Variants in VWCE observed in about 807,000 individuals in gnomAD.
The protein encoded by VWCE is von Willebrand factor C and EGF domain-containing protein.
In VWCE, 68 loss-of-function variants were observed where a neutral mutation model predicts 102.9. That is an observed-to-expected ratio of 0.66 (90% CI 0.54 to 0.81). The LOEUF (loss-of-function observed/expected upper bound fraction) is 0.81. Among genes scored for constraint, VWCE ranks in the 30% least tolerant of loss-of-function variants. The probability of loss-of-function intolerance (pLI) is 0.00; values close to 1 mark genes in which losing one functional copy is unlikely to be tolerated. For missense variants in VWCE, 1,137 were observed against 1,263.6 expected, an observed-to-expected ratio of 0.90 and a Z score of 1.52; for synonymous variants, 497 against 515.4, an observed-to-expected ratio of 0.96 and a Z score of 0.48.
intron 9 of VWCE, among the ~76,000 whole-genome samples, chr11:61,278,714 T>C (rs1045207765): frequency 3.9e-5 from 6 of 152,030 alleles, no homozygotes; most frequent in African/African-American, 1.5e-4. Flanking sequence ...AGCACAACAT[T>C]TTCTTCCCAG....
intron 19 of VWCE, among the ~76,000 whole-genome samples, chr11:61,259,939 G>A (rs1044604931): frequency 2.6e-5 from 4 of 152,176 alleles, no homozygotes; most frequent in African/African-American, 9.7e-5. Context: ...ATGGGGTCAC[G>A]TCCCAATAAA....
chr11:61,262,926 A>C (rs1428411452), intron 19 of VWCE, among the ~76,000 whole-genome samples: 3 of 152,234 alleles, frequency 2.0e-5, no homozygotes, highest in Admixed American at 2.0e-4. Flanking sequence ...CACAATAGCC[A>C]AGCTATGGAA....
At chr11:61,293,263 AAAAATT>A (rs1855570314) in intron 1 of VWCE, among the ~76,000 whole-genome samples, 1 of 149,090 alleles carries the variant, frequency 6.7e-6, no homozygotes, top group Non-Finnish European at 1.5e-5. Flanking sequence ...AAAAAAAAAA[AAAAATT>A]AGCCAGGTGT....
chr11:61,294,905 G>A lies in VWCE; in HGVS notation c.110+23C>T. The A allele has an allele frequency of 2.2e-6, 3 of 1,366,710 alleles. No homozygotes were observed. Among genetic ancestry groups the A allele is most frequent in the South Asian group, 1.6e-5 (1 of 63,898 alleles). 84.7% of individuals were successfully genotyped at this position (1,366,710 alleles called of 1,614,324 possible). A position where few individuals can be genotyped will look rare whatever the true frequency, so the allele number is the denominator to read the frequency against. Reference sequence around the variant, plus strand: ...GTAGCGCTCTCCCGGGCGGGGGAGCGGGGAGGAGCTCCGGGCGCTTACCTC... The same window carrying A: ...GTAGCGCTCTCCCGGGCGGGGGAGCAGGGAGGAGCTCCGGGCGCTTACCTC... On this transcript the variant is annotated intron_variant, in intron 1 of 19. Coordinates refer to ENST00000335613, the MANE Select transcript of VWCE (RefSeq NM_152718.2). The surrounding 1 kb of genome is among the most constrained non-coding windows in gnomAD (Gnocchi z 6.3).
At chr11:61,284,848 T>C (rs1855263974) in intron 5 of VWCE, among the ~76,000 whole-genome samples, 2 of 151,690 alleles carry the variant, frequency 1.3e-5, no homozygotes, top group African/African-American at 2.4e-5. Flanking sequence ...CTTGGGAGGG[T>C]TGGAGGATCG....
chr11:61,273,985 T>G (rs1382120857), intron 12 of VWCE, among the ~76,000 whole-genome samples: 1 of 152,158 alleles, frequency 6.6e-6, no homozygotes, highest in Admixed American at 6.5e-5. Flanking sequence ...TCGCCTGCAC[T>G]GGCCCTGCTT....
At chr11:61,268,001 G>A (rs1189498451) in intron 15 of VWCE, among the ~76,000 whole-genome samples, 1 of 151,974 alleles carries the variant, frequency 6.6e-6, no homozygotes, top group Non-Finnish European at 1.5e-5. Flanking sequence ...TGATGTGAGT[G>A]ATGCCACCTT....
At chr11:61,286,809 A>C (rs568252560) in intron 4 of VWCE, among the ~76,000 whole-genome samples, 3 of 140,156 alleles carry the variant, frequency 2.1e-5, no homozygotes, top group Non-Finnish European at 4.6e-5. Context: ...CTCAGGAAAA[A>C]AAAGAAGGCC....
At chr11:61,286,213 TGG>T (rs1193561629) in intron 5 of VWCE, 99 bp downstream of exon 5, 3 of 1,136,730 alleles carry the variant, frequency 2.6e-6, no homozygotes, top group Non-Finnish European at 3.9e-6. Flanking sequence ...TTCAATGCAG[TGG>T]CACACAGAGC....
In VWCE at chr11:61,294,686, C is replaced by T; in HGVS notation, c.110+242G>A. 6.6e-6 allele frequency among the ~76,000 whole-genome samples: 1 copy of T among 152,088 alleles called. No homozygotes were observed. The highest frequency in any genetic ancestry group is 1.5e-5 in the Non-Finnish European group (1 of 68,002). On this transcript the variant is annotated intron_variant, in intron 1 of 19. Transcript: ENST00000335613. This position sits in a 1 kb window ranked among gnomAD's most constrained non-coding sequence, Gnocchi z 6.3. ...ATTAGGAGTCACCCAACGCCTGGAC[C>T]TCCGATCTCCCAGGTCCCAGTCTGG...
At chr11:61,284,482 C>T (rs1855248809) in intron 5 of VWCE, among the ~76,000 whole-genome samples, 2 of 152,156 alleles carry the variant, frequency 1.3e-5, no homozygotes, top group South Asian at 4.1e-4. Context: ...CAGACCAATG[C>T]CTGAGTGCTA....
intron 1 of VWCE, among the ~76,000 whole-genome samples, chr11:61,293,012 C>T (rs529690133): frequency 2.0e-5 from 3 of 151,872 alleles, no homozygotes; most frequent in East Asian, 1.9e-4. Flanking sequence ...GAGGCCAAGG[C>T]GGGCGGATCA....
At chr11:61,262,838 C>T (rs1455937764) in intron 19 of VWCE, among the ~76,000 whole-genome samples, 2 of 152,236 alleles carry the variant, frequency 1.3e-5, no homozygotes, top group Non-Finnish European at 2.9e-5. Flanking sequence ...AGCAATCCCA[C>T]TGCTGAGTAT....
Position 61,267,449 on chromosome 11 carries a change from G to T in VWCE, c.1965+13C>A. On this transcript the variant is annotated intron_variant, in intron 16 of 19. Coordinates refer to ENST00000335613, the MANE Select transcript of VWCE (RefSeq NM_152718.2). ...GTTTCCAGGGGCGGGAGTCAGATCTGGGTGGTCCATACCAGGCAGATGCAG... is the reference window on the plus strand; with the variant it reads ...GTTTCCAGGGGCGGGAGTCAGATCTTGGTGGTCCATACCAGGCAGATGCAG... The T allele has an allele frequency of 1.2e-6, 2 of 1,613,714 alleles. No individual in the cohort carries two copies. The highest frequency in any genetic ancestry group is 4.5e-5 in the East Asian group (2 of 44,862).
chr11:61,286,039 T>C (rs945895594), intron 5 of VWCE, among the ~76,000 whole-genome samples: 2 of 152,076 alleles, frequency 1.3e-5, no homozygotes, highest in African/African-American at 4.8e-5. Flanking sequence ...CAGATGTGAG[T>C]CAACCCACCA....
At chr11:61,267,394 G>T in intron 16 of VWCE, 68 bp downstream of exon 16, 1 of 1,509,992 alleles carries the variant, frequency 6.6e-7, no homozygotes, top group Non-Finnish European at 9.2e-7. Flanking sequence ...TTGCCTCTGG[G>T]ATTCAGGAGC....
chr11:61,272,078 T>G (rs1369481471), intron 13 of VWCE, among the ~76,000 whole-genome samples: 8 of 151,764 alleles, frequency 5.3e-5, no homozygotes, highest in Admixed American at 3.3e-4. Context: ...GATACAAATG[T>G]ACATTTGCAT....
rs1161934524 is a variant in VWCE, at chr11:61,265,196, C to G, written c.1982G>C (p.Cys661Ser). Residue 661 changes from cysteine to serine, a missense_variant, in exon 17 of 20, where the codon TGT becomes TCT. Physicochemically the swap from Cys to Ser is moderately radical, Grantham distance 112. Around this residue, in one of 5 missense-constraint regions of VWCE, gnomAD observed 212 missense variants for 235.1 expected, o/e 0.90. Transcript: ENST00000335613. ...SCICLLGSVACSPVDCPITCT... is the reference protein window; with the variant it reads ...SCICLLGSVASSPVDCPITCT... ...GGTGATGGGGCAGTCCACGGGGGAACAGGCCACTGAGCCCAGCTGCAGGAC... is the reference window on the plus strand; with the variant it reads ...GGTGATGGGGCAGTCCACGGGGGAAGAGGCCACTGAGCCCAGCTGCAGGAC... 4 of 1,495,266 alleles carry G rather than the reference C, an allele frequency of 2.7e-6. No individual in the cohort carries two copies. Among genetic ancestry groups the G allele is most frequent in the Non-Finnish European group, 3.6e-6 (4 of 1,120,104 alleles). The allele number at this position is 1,495,266 out of a possible 1,614,324, so 92.6% of individuals were successfully genotyped here. A position where few individuals can be genotyped will look rare whatever the true frequency, so the allele number is the denominator to read the frequency against.
chr11:61,270,544 G>T (rs559304576), intron 14 of VWCE, among the ~76,000 whole-genome samples: 121 of 152,346 alleles, frequency 7.9e-4, no homozygotes, highest in Non-Finnish European at 1.3e-3. Context: ...CTTCAATAAT[G>T]AGCTAAAACA....
Sources: gnomAD v4.1 joint callset for allele counts (sites outside exome capture counted in the v4.1 genomes callset) on GRCh38, gnomAD v4.1.1 for gene constraint, gnomAD v4.1.1 regional missense constraint, Gnocchi (gnomAD v3.1) non-coding constraint, MANE v1.5 for transcripts, NCBI Gene and HGNC (gene_info 2026-07-23, HGNC 2026-07-21) for gene names.